The following GBF1 variants were observed in gnomAD, a reference collection of about 807,000 sequenced individuals.
GBF1 encodes the protein Golgi-specific brefeldin A-resistance guanine nucleotide exchange factor 1.
GBF1 carries 114 observed loss-of-function variants against 210.5 expected under a neutral mutation model. That is an observed-to-expected ratio of 0.54 (90% CI 0.47 to 0.63). The LOEUF (loss-of-function observed/expected upper bound fraction) is 0.63. Ranked by LOEUF, GBF1 falls within the 30% of genes least tolerant of loss-of-function variation. The pLI, the probability that GBF1 is intolerant of heterozygous loss-of-function variation, is 0.00. For synonymous variants in GBF1, 850 were observed against 889.2 expected, an observed-to-expected ratio of 0.96 and a Z score of 0.78; for missense variants, 1,851 against 2,357.7, an observed-to-expected ratio of 0.79 and a Z score of 4.45.
At chr10:102,380,155 C>T (rs570601855) in intron 36 of GBF1, 94 bp from the exon 37 acceptor site, 3 of 839,562 alleles carry the variant, frequency 3.6e-6, no homozygotes, top group East Asian at 2.4e-5. Context: ...CTAAGATTCT[C>T]ATGCAAGATA....
intron 1 of GBF1, among the ~76,000 whole-genome samples, chr10:102,248,679 C>T (rs1178918924): frequency 3.3e-5 from 5 of 151,926 alleles, no homozygotes; most frequent in South Asian, 4.1e-4. Context: ...TCTGTCACCC[C>T]GGCTGGAGTG....
In GBF1 at chr10:102,363,803, A is replaced by G. The variant is rs370232793; in HGVS notation, c.2106+5A>G. ...GAAATTAAAAACAAAAAGAAGGTAC[A>G]TACATGTATTCCCCAGCCTCTGTCC... On this transcript the variant is annotated splice_donor_5th_base_variant and intron_variant, in intron 17 of 39. Coordinates refer to ENST00000369983, the MANE Select transcript of GBF1 (RefSeq NM_001377137.1). This position sits in a 1 kb window ranked among gnomAD's most constrained non-coding sequence, Gnocchi z 4.2. 4 of 1,527,246 alleles carry G rather than the reference A, an allele frequency of 2.6e-6. No individual in the cohort carries two copies. Among genetic ancestry groups the G allele is most frequent in the South Asian group, 1.1e-5 (1 of 89,354 alleles). The allele number at this position is 1,527,246 out of a possible 1,614,324, so 94.6% of individuals were successfully genotyped here. A position where few individuals can be genotyped will look rare whatever the true frequency, so the allele number is the denominator to read the frequency against.
Position 102,375,523 on chromosome 10 carries a change from C to T in GBF1, c.3825C>T (p.Gly1275=). Residue 1275 remains glycine (G), a synonymous_variant, in exon 30 of 40, where the codon GGC becomes GGT. Coordinates refer to ENST00000369983, the MANE Select transcript of GBF1 (RefSeq NM_001377137.1). ...TCTTCACACTGCTGGAGTGCATCGG[C>T]TCAGGTGTGAAGCCTCCAGCTGCTC... is the stretch of plus-strand genomic sequence containing the variant. ...ATLFTLLECI[G]SGVKPPAALQ... is the part of the protein sequence containing the mutation. 6.2e-7 allele frequency: 1 copy of T among 1,614,108 alleles called. No individual in the cohort carries two copies. The highest frequency in any genetic ancestry group is 8.5e-7 in the Non-Finnish European group (1 of 1,179,940).
rs1296762658 is a variant in GBF1, at chr10:102,365,427, C to G, written c.2137C>G (p.Gln713Glu). The G allele has an allele frequency of 6.2e-7, 1 of 1,614,080 alleles. No homozygotes were observed. Residue 713 changes from glutamine (Q) to glutamate (E), a missense_variant, in exon 18 of 40, where the codon CAG becomes GAG. By Grantham distance (29) the Gln-to-Glu change is conservative. Transcript: ENST00000369983. ...AATCACTGGCACAGAGCAGTTCAAT[C>G]AGAAACCAAAGAAGGGGATTCAGTT... Reference protein sequence around the residue: ...LLITGTEQFNQKPKKGIQFLQ... With the variant: ...LLITGTEQFNEKPKKGIQFLQ...
At chr10:102,257,459 C>T (rs564574457) in intron 1 of GBF1, among the ~76,000 whole-genome samples, 32 of 152,228 alleles carry the variant, frequency 2.1e-4, no homozygotes, top group Admixed American at 9.2e-4. Context: ...CAGGTGTATG[C>T]CACCATGCCT....
chr10:102,286,194 G>GTTTTTTTTTTTTT (rs55904022), intron 3 of GBF1, among the ~76,000 whole-genome samples: 10 of 126,358 alleles, frequency 7.9e-5, no homozygotes, highest in African/African-American at 2.7e-4. Flanking sequence ...AAGCATAAGG[G>GTTTTTTTTTTTTT]TTTTTTTTTT....
chr10:102,379,119 C>A (rs1353165439), intron 33 of GBF1, among the ~76,000 whole-genome samples, 165 bp from the exon 34 acceptor site: 4 of 152,106 alleles, frequency 2.6e-5, no homozygotes, highest in East Asian at 1.9e-4. Context: ...AGGACTGGAA[C>A]AACCAGGAAG....
intron 1 of GBF1, among the ~76,000 whole-genome samples, chr10:102,247,132 A>G (rs1179956454): frequency 1.3e-5 from 2 of 152,244 alleles, no homozygotes. Flanking sequence ...AGGTAGTAAC[A>G]AGGAGGATCA....
Position 102,365,583 on chromosome 10 carries a change from T to C in GBF1, c.2293T>C (p.Leu765=), listed in dbSNP as rs200749742. 3.8e-5 allele frequency: 61 copies of C among 1,613,772 alleles called. 1 individual carries two copies. The highest frequency in any genetic ancestry group is 5.1e-6 in the Non-Finnish European group (6 of 1,179,862). The part of the protein sequence containing the change: ...FVSDRKNIDL[L]ESFVSTFSFQ... ...GAGTGACCGCAAAAACATTGACCTG[T>C]TGGAGAGCTTTGTGAGGTGAGGAAG... The change falls in exon 18 of 40, where the codon TTG becomes CTG. Residue 765 remains leucine, a synonymous_variant. Coordinates refer to ENST00000369983, the MANE Select transcript of GBF1 (RefSeq NM_001377137.1).
At chr10:102,277,437 T>C (rs111980422) in intron 3 of GBF1, among the ~76,000 whole-genome samples, 287 of 151,182 alleles carry the variant, frequency 1.9e-3, no homozygotes, top group African/African-American at 6.6e-3. Flanking sequence ...TCACCCAGGC[T>C]GGAGTGCAAT....
At chr10:102,347,120 T>C (rs1382344157) in intron 4 of GBF1, among the ~76,000 whole-genome samples, 1 of 152,174 alleles carries the variant, frequency 6.6e-6, no homozygotes, top group African/African-American at 2.4e-5. Flanking sequence ...ATGAAGAATA[T>C]AGAAAACAGG....
At chr10:102,327,519 T>C (rs559184357) in intron 3 of GBF1, among the ~76,000 whole-genome samples, 1 of 152,328 alleles carries the variant, frequency 6.6e-6, no homozygotes, top group South Asian at 2.1e-4. Context: ...AGAGAATGGA[T>C]AAATTCTTTG....
Position 102,382,326 on chromosome 10 carries a change from A to G in GBF1, c.5573A>G (p.Glu1858Gly). The stretch of plus-strand genomic sequence containing the variant: ...CCCACAGATCCCATACCCACCTCTG[A>G]GGTCAACTAAGGCAGGTCACTCAGA... ...PRPTDPIPTS[E>G]VN is the part of the protein sequence containing the mutation. Residue 1858 changes from glutamate to glycine, a missense_variant, in exon 40 of 40, where the codon GAG becomes GGG. This residue lies in a region of GBF1 where 967 missense variants were observed against 1,247.7 expected (regional missense o/e 0.78). Transcript: ENST00000369983. The G allele has an allele frequency of 6.2e-7, 1 of 1,608,328 alleles. No individual in the cohort carries two copies. Among genetic ancestry groups the G allele is most frequent in the Non-Finnish European group, 8.5e-7 (1 of 1,176,818 alleles).
chr10:102,381,345 C>A, intron 39 of GBF1, 90 bp downstream of exon 39: 2 of 1,382,378 alleles, frequency 1.4e-6, no homozygotes, highest in Non-Finnish European at 2.0e-6. Context: ...TGCTGCTGAG[C>A]AGGGTCTGTG....
rs2078196975 is a variant in GBF1, at chr10:102,309,185, C to A, written c.164-34866C>A. Among the ~76,000 whole-genome samples, 4 of 152,188 alleles carry A rather than the reference C, an allele frequency of 2.6e-5. No individual in the cohort carries two copies. In the South Asian group the frequency reaches 8.3e-4, roughly 32 times the overall value. Reference sequence around the variant, plus strand: ...GCTTCAATTTGCACAACTGAGTAATCAGCTAGGCCCAGTCACTAGGTGAAC... The same window carrying A: ...GCTTCAATTTGCACAACTGAGTAATAAGCTAGGCCCAGTCACTAGGTGAAC... On this transcript the variant is annotated intron_variant, in intron 3 of 39. Transcript: ENST00000369983.
Position 102,358,580 on chromosome 10 carries a change from C to A in GBF1, c.862C>A (p.Pro288Thr). The change falls in exon 10 of 40, where the codon CCC becomes ACC. Residue 288 changes from proline (P) to threonine (T), a missense_variant. Physicochemically the swap from Pro to Thr is conservative, Grantham distance 38. Around this residue, in one of 3 missense-constraint regions of GBF1, gnomAD observed 804 missense variants for 958.6 expected, o/e 0.84. Transcript: ENST00000369983. Reference protein sequence around the residue: ...SSEAASAVVSPSTDSGLEFSS... With the variant: ...SSEAASAVVSTSTDSGLEFSS... ...AGAAGCTGCCTCAGCAGTGGTCAGTCCCTCTACAGACAGTGGCCTGGAATT... is the reference window on the plus strand; with the variant it reads ...AGAAGCTGCCTCAGCAGTGGTCAGTACCTCTACAGACAGTGGCCTGGAATT... The A allele has an allele frequency of 1.2e-6, 2 of 1,613,890 alleles. No homozygotes were observed. Among genetic ancestry groups the A allele is most frequent in the Non-Finnish European group, 1.7e-6 (2 of 1,179,758 alleles).
chr10:102,362,454 A>G (rs747788376), intron 14 of GBF1, 21 bp from the exon 15 acceptor site: 35 of 1,551,624 alleles, frequency 2.3e-5, no homozygotes, highest in Admixed American at 6.9e-5. Flanking sequence ...TACAAGTCCA[A>G]TTGATCTGTT....
upstream of GBF1, among the ~76,000 whole-genome samples, chr10:102,242,692 G>C (rs2070568513): frequency 6.6e-6 from 1 of 151,946 alleles, no homozygotes; most frequent in Non-Finnish European, 1.5e-5. Flanking sequence ...ACTTTGGGAG[G>C]CCGAGGCGGG....
rs879384412 is a variant in GBF1 at position 102,307,565 on chromosome 10, C to T, written c.164-36486C>T. Among the ~76,000 whole-genome samples, 13 of 151,950 alleles carry T rather than the reference C, an allele frequency of 8.6e-5. No homozygotes were observed. In the South Asian group the frequency reaches 1.2e-3, roughly 15 times the overall value. On this transcript the variant is annotated intron_variant, in intron 3 of 39. Coordinates refer to ENST00000369983, the MANE Select transcript of GBF1 (RefSeq NM_001377137.1). ...CAGCACTTTGGGAGGCCAAGGCAGG[C>T]GGATCACAAGGTCAGGAGATTGAGA... is the stretch of plus-strand genomic sequence containing the variant.
Sources: allele counts gnomAD v4.1 joint callset (sites outside exome capture counted in the v4.1 genomes callset), GRCh38; gene constraint gnomAD v4.1.1; regional missense constraint gnomAD v4.1.1; non-coding constraint Gnocchi (gnomAD v3.1); transcripts MANE v1.5; gene names NCBI Gene and HGNC (gene_info 2026-07-23, HGNC 2026-07-21).